The following ARMH3 variants were observed in gnomAD, a reference collection of about 807,000 sequenced individuals.
The protein encoded by ARMH3 is armadillo like helical domain containing 3, also known as armadillo-like helical domain-containing protein 3.
ARMH3 carries 60 observed loss-of-function variants against 99.1 expected under a neutral mutation model. The observed-to-expected ratio is 0.61, with a 90% CI of 0.49 to 0.75. ARMH3 has a LOEUF of 0.75. Among genes scored for constraint, ARMH3 ranks in the 30% least tolerant of loss-of-function variants. ARMH3 has a pLI of 0.00. For missense variants in ARMH3, 679 were observed against 843.1 expected, an observed-to-expected ratio of 0.81 and a Z score of 2.41; for synonymous variants, 285 against 292.8, an observed-to-expected ratio of 0.97 and a Z score of 0.27.
At chr10:101,853,988 C>G (rs2135275803) in intron 24 of ARMH3, among the ~76,000 whole-genome samples, 1 of 152,296 alleles carries the variant, frequency 6.6e-6, no homozygotes, top group Middle Eastern at 3.4e-3. Context: ...TGGTAGGTGC[C>G]TGTAATCCCA....
rs867600288 is a variant in ARMH3 at position 101,935,174 on chromosome 10, A to T, written c.1781+4689T>A. On this transcript the variant is annotated intron_variant, in intron 23 of 25. Coordinates refer to ENST00000370033, the MANE Select transcript of ARMH3 (RefSeq NM_024541.3). ...AGAAGCGGAATCTCAAAGGTGGAGC[A>T]ATATATATATATATATATATATATA... Among the ~76,000 whole-genome samples the T allele has an allele frequency of 1.5e-3, 180 of 117,040 alleles. 1 individual carries two copies. Among genetic ancestry groups the T allele is most frequent in the African/African-American group, 5.5e-3 (171 of 31,324 alleles). 76.8% of individuals were successfully genotyped at this position (117,040 alleles called of 152,430 possible).
At chr10:102,052,142 G>A (rs540878702) in intron 1 of ARMH3, among the ~76,000 whole-genome samples, 1 of 152,026 alleles carries the variant, frequency 6.6e-6, no homozygotes, top group East Asian at 1.9e-4. Context: ...TTCTTCCCCT[G>A]CTCAATTATA....
At chr10:101,870,867 G>A (rs2067115847) in intron 24 of ARMH3, among the ~76,000 whole-genome samples, 2 of 152,096 alleles carry the variant, frequency 1.3e-5, no homozygotes, top group Admixed American at 6.5e-5. Context: ...TGAGCCCGAC[G>A]AGGTTGACGC....
chr10:101,948,059 G>A (rs746894376), intron 22 of ARMH3, among the ~76,000 whole-genome samples: 14 of 151,882 alleles, frequency 9.2e-5, no homozygotes, highest in African/African-American at 1.5e-4. Context: ...TGCGGGGAGG[G>A]GCAAACAAAA....
chr10:101,984,336 T>C (rs773702960), intron 19 of ARMH3, among the ~76,000 whole-genome samples: 2 of 152,218 alleles, frequency 1.3e-5, no homozygotes, highest in Non-Finnish European at 2.9e-5. Context: ...TGTTTGAGCA[T>C]GATTTGCCTT....
At chr10:101,926,786 A>T (rs955284399) in intron 23 of ARMH3, among the ~76,000 whole-genome samples, 1 of 152,004 alleles carries the variant, frequency 6.6e-6, no homozygotes, top group Non-Finnish European at 1.5e-5. Context: ...TGAAAACAAA[A>T]TTTTTTTTCC....
intron 4 of ARMH3, among the ~76,000 whole-genome samples, chr10:102,031,365 A>C (rs1381311913): frequency 6.6e-6 from 1 of 152,240 alleles, no homozygotes; most frequent in African/African-American, 2.4e-5. Context: ...AGTAAGTATA[A>C]GCTATTATAA....
intron 23 of ARMH3, among the ~76,000 whole-genome samples, chr10:101,920,440 A>G (rs1331851547): frequency 1.3e-5 from 2 of 152,206 alleles, no homozygotes; most frequent in Non-Finnish European, 2.9e-5. Context: ...TAGAAATAAG[A>G]TGAAGAATGG....
intron 23 of ARMH3, among the ~76,000 whole-genome samples, chr10:101,909,881 GT>G (rs1842796305): frequency 6.6e-6 from 1 of 151,426 alleles, no homozygotes; most frequent in Non-Finnish European, 1.5e-5. Flanking sequence ...TTAAATTAAT[GT>G]TTTCATATTG....
At chr10:101,897,145 T>C (rs1387923925) in intron 23 of ARMH3, among the ~76,000 whole-genome samples, 1 of 152,102 alleles carries the variant, frequency 6.6e-6, no homozygotes, top group Non-Finnish European at 1.5e-5. Context: ...TTTAAAGAAA[T>C]ATGGGTAGTA....
chr10:101,936,916 C>T (rs990883806), intron 23 of ARMH3, among the ~76,000 whole-genome samples: 1 of 152,148 alleles, frequency 6.6e-6, no homozygotes, highest in Non-Finnish European at 1.5e-5. Flanking sequence ...TCACTAGGAG[C>T]TTTCATATGC....
Position 102,017,944 on chromosome 10 carries a change from C to A in ARMH3, c.670-3920G>T, listed in dbSNP as rs147415763. On this transcript the variant is annotated intron_variant, in intron 8 of 25. Transcript: ENST00000370033. ...GTGTTACCCATCACTTTCAACCCGG[C>A]CAAATAAAGCCCAACTAGGACTCAT... Among the ~76,000 whole-genome samples the A allele has an allele frequency of 1.1e-4, 17 of 152,228 alleles. No homozygotes were observed. The East Asian group carries it at 3.1e-3, about 28-fold the overall frequency.
Position 101,956,582 on chromosome 10 carries a change from G to C in ARMH3, c.1705+15C>G, listed in dbSNP as rs752518171. On this transcript the variant is annotated intron_variant, in intron 22 of 25. Coordinates refer to ENST00000370033, the MANE Select transcript of ARMH3 (RefSeq NM_024541.3). ...CAAATGGTGGAGAGAGGAGTAAAAA[G>C]AAAAGGCAGCTTACCCATGGAGTAG... 2 of 1,611,422 alleles carry C rather than the reference G, an allele frequency of 1.2e-6. No individual in the cohort carries two copies. Among genetic ancestry groups the C allele is most frequent in the East Asian group, 4.5e-5 (2 of 44,842 alleles).
At chr10:101,887,094 T>G (rs982788009) in intron 24 of ARMH3, among the ~76,000 whole-genome samples, 3 of 152,128 alleles carry the variant, frequency 2.0e-5, no homozygotes, top group Non-Finnish European at 1.5e-5. Flanking sequence ...TGCTGGAGAT[T>G]AACAAGGCAG....
intron 23 of ARMH3, among the ~76,000 whole-genome samples, chr10:101,910,366 A>G (rs960857416): frequency 1.3e-5 from 2 of 152,232 alleles, no homozygotes; most frequent in African/African-American, 4.8e-5. Flanking sequence ...GTTAGTATTT[A>G]GATTATTTAG....
At chr10:102,046,695 G>T (rs1376416569) in intron 1 of ARMH3, among the ~76,000 whole-genome samples, 2 of 152,148 alleles carry the variant, frequency 1.3e-5, no homozygotes, top group Non-Finnish European at 2.9e-5. Context: ...ACAGATAAGT[G>T]AGTGTAGGGA....
At chr10:101,957,158 CT>C (rs1313669463) in intron 21 of ARMH3, among the ~76,000 whole-genome samples, 1 of 152,176 alleles carries the variant, frequency 6.6e-6, no homozygotes, top group African/African-American at 2.4e-5. Flanking sequence ...CGAATCAAGA[CT>C]TTTTTTCCCT....
rs773161571 is a variant in ARMH3 at position 102,040,056 on chromosome 10, G to A, written c.59C>T (p.Pro20Leu). 105 of 1,614,086 alleles carry A rather than the reference G, an allele frequency of 6.5e-5. No individual in the cohort carries two copies. Among genetic ancestry groups the A allele is most frequent in the Non-Finnish European group, 8.6e-5 (102 of 1,180,034 alleles). Residue 20 changes from proline to leucine, a missense_variant, in exon 2 of 26, where the codon CCA becomes CTA. Coordinates refer to ENST00000370033, the MANE Select transcript of ARMH3 (RefSeq NM_024541.3). The stretch of plus-strand genomic sequence containing the variant: ...CATCAGCACCACTTTTTCCTTCAGT[G>A]GTTTTTTGGAGGCTGAAGATTTCCG... ...LLRKSSASKKPLKEKVVLMYD... is the reference protein window; with the variant it reads ...LLRKSSASKKLLKEKVVLMYD...
At chr10:102,002,886 G>A (rs576576232) in intron 14 of ARMH3, among the ~76,000 whole-genome samples, 5 of 151,574 alleles carry the variant, frequency 3.3e-5, no homozygotes, top group African/African-American at 9.7e-5. Flanking sequence ...GCTTGAAACC[G>A]GGAGGCGGAG....
Sources: allele counts gnomAD v4.1 joint callset (sites outside exome capture counted in the v4.1 genomes callset), GRCh38; gene constraint gnomAD v4.1.1; transcripts MANE v1.5; gene names NCBI Gene and HGNC (gene_info 2026-07-23, HGNC 2026-07-21).